Variants in SMIM35 observed in about 807,000 individuals in gnomAD.
SMIM35 encodes the protein TMPRSS4 antisense RNA 1 (non-protein coding).
chr11:118,023,834 A>G (rs2058252001), intron 1 of SMIM35, among the ~76,000 whole-genome samples: 1 of 152,120 alleles, frequency 6.6e-6, no homozygotes, highest in Non-Finnish European at 1.5e-5. Context: ...GGAGTTCCAG[A>G]CGAGCCTGGC....
In SMIM35 at chr11:118,051,827, TAC is replaced by T. The variant is rs1491147012; in HGVS notation, c.7+34922_7+34923del. 3.7e-5 allele frequency among the ~76,000 whole-genome samples: 3 copies of T among 80,090 alleles called. No homozygotes were observed. In the East Asian group the frequency reaches 8.8e-4, roughly 24 times the overall value. 52.5% of individuals were successfully genotyped at this position (80,090 alleles called of 152,430 possible). ...GCAGGGCAATCTTAGTTTAGGTTGA[TAC>T]TAATACTAATACTAATACTAATACT... is the stretch of plus-strand genomic sequence containing the variant. On this transcript the variant is annotated intron_variant, in intron 1 of 4. Transcript: ENST00000689828.
intron 1 of SMIM35, among the ~76,000 whole-genome samples, chr11:118,021,916 A>C (rs1298489508): frequency 6.6e-6 from 1 of 152,152 alleles, no homozygotes; most frequent in Admixed American, 6.6e-5. Context: ...AGCTAACTTG[A>C]CCTTGTAGAC....
intron 1 of SMIM35, among the ~76,000 whole-genome samples, chr11:118,034,903 T>C (rs954771268): frequency 6.6e-6 from 1 of 152,080 alleles, no homozygotes; most frequent in Non-Finnish European, 1.5e-5. Context: ...ACTTGCCAGT[T>C]AGTAAGTCCA....
At chr11:118,014,929 G>T (rs1044955553) in intron 2 of SMIM35, among the ~76,000 whole-genome samples, 188 bp from the exon 3 acceptor site, 1 of 152,218 alleles carries the variant, frequency 6.6e-6, no homozygotes, top group Admixed American at 6.5e-5. Flanking sequence ...ATTATCCTGG[G>T]ATGAAGGCAG....
At chr11:118,063,854 C>T (rs567503780) in intron 1 of SMIM35, among the ~76,000 whole-genome samples, 2 of 152,350 alleles carry the variant, frequency 1.3e-5, no homozygotes, top group Admixed American at 6.5e-5. Flanking sequence ...CCATATCTCA[C>T]CCTACGTATC....
intron 1 of SMIM35, among the ~76,000 whole-genome samples, chr11:118,023,270 C>G (rs1379997642): frequency 6.6e-6 from 1 of 151,922 alleles, no homozygotes; most frequent in Admixed American, 6.6e-5. Context: ...CCACCAAAAG[C>G]CTCAATTTCA....
intron 1 of SMIM35, among the ~76,000 whole-genome samples, chr11:118,058,855 T>C (rs1944355245): frequency 6.6e-6 from 1 of 152,180 alleles, no homozygotes. Context: ...CACCTTCCTA[T>C]CCCTAAAGCA....
At chr11:118,022,073 C>T (rs552074067) in intron 1 of SMIM35, among the ~76,000 whole-genome samples, 2 of 125,514 alleles carry the variant, frequency 1.6e-5, no homozygotes, top group African/African-American at 6.2e-5. Flanking sequence ...TGGAGTTTTG[C>T]TCTGTCACCA....
intron 1 of SMIM35, among the ~76,000 whole-genome samples, chr11:118,062,054 G>A (rs2135123416): frequency 6.6e-6 from 1 of 152,212 alleles, no homozygotes; most frequent in Non-Finnish European, 1.5e-5. Context: ...GTGGGGCCAG[G>A]TGCAGTGGCT....
Position 118,005,981 on chromosome 11 carries a change from A to G in SMIM35, c.*429T>C, listed in dbSNP as rs1486049759. On this transcript the variant is annotated 3_prime_UTR_variant, in exon 5 of 5. Transcript: ENST00000689828. ...TATGGGCTGTCATGGGGATGTGCAC[A>G]GGGGTCGATGGCGTGTGGAGAGCGG... The G allele has an allele frequency of 6.6e-6, 1 of 152,366 alleles. No individual in the cohort carries two copies. Among genetic ancestry groups the G allele is most frequent in the Non-Finnish European group, 1.5e-5 (1 of 68,120 alleles). 9.4% of individuals were successfully genotyped at this position (152,366 alleles called of 1,614,324 possible).
chr11:118,008,928 G>T (rs760704372), intron 4 of SMIM35, among the ~76,000 whole-genome samples: 3 of 152,200 alleles, frequency 2.0e-5, no homozygotes, highest in Non-Finnish European at 4.4e-5. Context: ...TGGAAGCAGC[G>T]TGAATAAATG....
chr11:118,070,111 G>A (rs890141377), intron 1 of SMIM35, among the ~76,000 whole-genome samples: 16 of 152,140 alleles, frequency 1.1e-4, no homozygotes, highest in African/African-American at 3.6e-4. Flanking sequence ...TTCATTATCC[G>A]GATACTGAGA....
At chr11:118,079,263 A>G (rs1944942219) in intron 1 of SMIM35, among the ~76,000 whole-genome samples, 1 of 151,988 alleles carries the variant, frequency 6.6e-6, no homozygotes, top group Non-Finnish European at 1.5e-5. Context: ...CCCTGAGGGG[A>G]GGATGGGATC....
chr11:118,038,970 G>A (rs1012902175), intron 1 of SMIM35, among the ~76,000 whole-genome samples: 1 of 152,082 alleles, frequency 6.6e-6, no homozygotes, highest in African/African-American at 2.4e-5. Flanking sequence ...AGAGAGTGGG[G>A]CACAGAGAGA....
rs2058112629 is a variant in SMIM35 at position 118,004,620 on chromosome 11, GAGCTCAT to G, written c.*1783_*1789del. ...TAGGGATTCCCATGTGAGAGTGAAT[GAGCTCAT>G]AGCCCTTAGTGTGAAGGTAAGGACG... On this transcript the variant is annotated 3_prime_UTR_variant, in exon 5 of 5. Coordinates refer to ENST00000689828, the MANE Select transcript of SMIM35 (RefSeq NM_001394165.1). The G allele has an allele frequency of 6.6e-6, 1 of 152,128 alleles. No homozygotes were observed. The highest frequency in any genetic ancestry group is 2.1e-4 in the South Asian group (1 of 4,822). 9.4% of individuals were successfully genotyped at this position (152,128 alleles called of 1,614,324 possible).
At chr11:118,070,773 G>A (rs371522344) in intron 1 of SMIM35, among the ~76,000 whole-genome samples, 11 of 152,160 alleles carry the variant, frequency 7.2e-5, no homozygotes, top group Non-Finnish European at 1.3e-4. Context: ...TATGGAAACC[G>A]GAACCGAGGC....
chr11:118,070,156 A>G (rs1944548546), intron 1 of SMIM35, among the ~76,000 whole-genome samples: 1 of 152,194 alleles, frequency 6.6e-6, no homozygotes. Context: ...TATACCATTT[A>G]CTTTCTAGCC....
intron 1 of SMIM35, among the ~76,000 whole-genome samples, chr11:118,043,092 A>C (rs760648891): frequency 1.3e-5 from 2 of 152,240 alleles, no homozygotes; most frequent in Non-Finnish European, 2.9e-5. Context: ...TAACACGACG[A>C]AGATGTCTGG....
chr11:118,086,217 T>C (rs1945542220), intron 1 of SMIM35, among the ~76,000 whole-genome samples: 1 of 152,238 alleles, frequency 6.6e-6, no homozygotes, highest in Non-Finnish European at 1.5e-5. Context: ...CTAAGAGCTA[T>C]GCCCGAACAC....
Sources: gnomAD v4.1 joint callset for allele counts (sites outside exome capture counted in the v4.1 genomes callset) on GRCh38, gnomAD v4.1.1 for gene constraint, MANE v1.5 for transcripts, NCBI Gene and HGNC (gene_info 2026-07-23, HGNC 2026-07-21) for gene names.